The following ZNF143 variants were observed in gnomAD, a reference collection of about 807,000 sequenced individuals.
ZNF143 encodes SPH-binding factor.
ZNF143 carries 49 observed loss-of-function variants against 74.1 expected under a neutral mutation model. That is an observed-to-expected ratio of 0.66 (90% CI 0.53 to 0.84). The LOEUF is 0.84. ZNF143 is among the 40% of genes least tolerant of loss of function. ZNF143 has a pLI of 0.00. For missense variants in ZNF143, 637 were observed against 793.4 expected (o/e 0.80, Z 2.37); for synonymous variants, 304 against 282.8 (o/e 1.07, Z -0.75).
chr11:9,492,532 C>G (rs1377392196), intron 7 of ZNF143, among the ~76,000 whole-genome samples: 1 of 152,126 alleles, frequency 6.6e-6, no homozygotes, highest in Non-Finnish European at 1.5e-5. Flanking sequence ...CAGGTCTGAG[C>G]CACCACGCCT....
chr11:9,518,014 T>C (rs1848782236), intron 14 of ZNF143, among the ~76,000 whole-genome samples: 1 of 152,180 alleles, frequency 6.6e-6, no homozygotes, highest in Non-Finnish European at 1.5e-5. Context: ...AAAAACGGAC[T>C]GTATTGAGAA....
At chr11:9,470,801 G>A (rs1163807566) in intron 1 of ZNF143, among the ~76,000 whole-genome samples, 1 of 152,148 alleles carries the variant, frequency 6.6e-6, no homozygotes, top group Non-Finnish European at 1.5e-5. Flanking sequence ...AAAGAAGAGT[G>A]TAGGAGGCTA....
intron 5 of ZNF143, among the ~76,000 whole-genome samples, chr11:9,475,056 T>A (rs2133884919): frequency 6.6e-6 from 1 of 152,116 alleles, no homozygotes; most frequent in East Asian, 1.9e-4. Context: ...CCAGCTAGTT[T>A]TTTCATTTTT....
intron 8 of ZNF143, among the ~76,000 whole-genome samples, chr11:9,495,552 A>G (rs992225305): frequency 5.3e-5 from 8 of 152,362 alleles, no homozygotes; most frequent in Middle Eastern, 3.4e-3. Flanking sequence ...AGAACTTTCA[A>G]TGTGTCACGA....
chr11:9,483,041 T>A (rs1847311416), intron 7 of ZNF143, among the ~76,000 whole-genome samples: 1 of 150,988 alleles, frequency 6.6e-6, no homozygotes, highest in Non-Finnish European at 1.5e-5. Context: ...TTGCCCAGGG[T>A]GGAGTGCAGT....
At chr11:9,507,485 G>A (rs2134145463) in intron 11 of ZNF143, among the ~76,000 whole-genome samples, 1 of 152,178 alleles carries the variant, frequency 6.6e-6, no homozygotes, top group South Asian at 2.1e-4. Flanking sequence ...CAGTAAACAA[G>A]CCTACTACAA....
At chr11:9,517,889 TAATC>T (rs1423089655) in intron 14 of ZNF143, among the ~76,000 whole-genome samples, 2 of 152,170 alleles carry the variant, frequency 1.3e-5, no homozygotes, top group Non-Finnish European at 2.9e-5. Context: ...AAATTGGACT[TAATC>T]AAAATTAATT....
chr11:9,461,774 A>G (rs1192611442), intron 1 of ZNF143: 1 of 152,250 alleles, frequency 6.6e-6, no homozygotes, highest in African/African-American at 2.4e-5. Context: ...TTATTGTGGA[A>G]CGCGAACTAG....
Position 9,478,977 on chromosome 11 carries a change from A to G in ZNF143, c.570+391A>G, listed in dbSNP as rs114292655. On this transcript the variant is annotated intron_variant, in intron 6 of 15. Transcript: ENST00000396602. ...AAGATATACGAGGATGAAGGGCTAT[A>G]AAAGAAATAATAAAGTGTAAATGGA... Among the ~76,000 whole-genome samples, 217 of 152,338 alleles carry G rather than the reference A, an allele frequency of 1.4e-3. 2 individuals are homozygous for G. The highest frequency in any genetic ancestry group is 5.1e-3 in the African/African-American group (213 of 41,584).
In ZNF143 at chr11:9,500,918, T is replaced by C. The variant is rs79330122; in HGVS notation, c.968-173T>C. Among the ~76,000 whole-genome samples, 2,353 of 152,218 alleles carry C rather than the reference T, an allele frequency of 0.015. 80 individuals carry two copies. The highest frequency in any genetic ancestry group is 0.053 in the African/African-American group (2,212 of 41,528). On this transcript the variant is annotated intron_variant, in intron 10 of 15. Coordinates refer to ENST00000396602, the MANE Select transcript of ZNF143 (RefSeq NM_003442.6). ...TCCCAGTTTCTTATGTAGATTTAAG[T>C]TTGGAGTGGAAGATGCTGTTTCCCC...
At chr11:9,507,054 T>C (rs531505392) in intron 11 of ZNF143, among the ~76,000 whole-genome samples, 1 of 152,262 alleles carries the variant, frequency 6.6e-6, no homozygotes, top group South Asian at 2.1e-4. Context: ...AATAAGAACA[T>C]TAACCTGCCT....
chr11:9,478,454 C>T lies in ZNF143; in HGVS notation c.438C>T (p.His146=), dbSNP rs1333623016. The T allele has an allele frequency of 1.9e-6, 3 of 1,614,154 alleles. No individual in the cohort carries two copies. The highest frequency in any genetic ancestry group is 2.7e-5 in the African/African-American group (2 of 75,018). ...QLEDGTTAYI[H]HAVQVPQSDT... is the part of the protein sequence containing the mutation. The stretch of plus-strand genomic sequence containing the variant: ...AAGATGGTACCACAGCTTATATCCA[C>T]CATGCAGTGCAAGTCCCGCAGTCTG... Residue 146 remains histidine, a synonymous_variant, in exon 6 of 16, where the codon CAC becomes CAT. Coordinates refer to ENST00000396602, the MANE Select transcript of ZNF143 (RefSeq NM_003442.6).
In ZNF143 at chr11:9,471,338, T is replaced by C. The variant is rs993940212; in HGVS notation, c.30T>C (p.Ser10=). Residue 10 remains serine, a synonymous_variant, in exon 2 of 16, where the codon TCT becomes TCC. Coordinates refer to ENST00000396602, the MANE Select transcript of ZNF143 (RefSeq NM_003442.6). MLLAQINRD[S]QGMTEFPGGG... ...TGTTAGCCCAAATAAATCGAGATTC[T>C]CAGGGAATGACAGAGTTTCCTGGAG... is the stretch of plus-strand genomic sequence containing the variant. 2.5e-6 allele frequency: 4 copies of C among 1,612,442 alleles called. No individual in the cohort carries two copies. Among genetic ancestry groups the C allele is most frequent in the Non-Finnish European group, 3.4e-6 (4 of 1,179,446 alleles).
In ZNF143 at chr11:9,527,427, A is replaced by G. The variant is rs1475512913; in HGVS notation, c.1834-103A>G. The G allele has an allele frequency of 9.5e-6, 10 of 1,055,906 alleles. No homozygotes were observed. In the East Asian group the frequency reaches 2.4e-4, roughly 25 times the overall value. 65.4% of individuals were successfully genotyped at this position (1,055,906 alleles called of 1,614,324 possible). A position where few individuals can be genotyped will look rare whatever the true frequency, so the allele number is the denominator to read the frequency against. ...TATTTTAACAATCCCAAGTGTCAGA[A>G]TTACAGAGAGAAGTTTCACTTCTGG... On this transcript the variant is annotated intron_variant, in intron 15 of 15. Transcript: ENST00000396602.
At chr11:9,512,723 T>C in intron 13 of ZNF143, 127 bp downstream of exon 13, 1 of 1,090,022 alleles carries the variant, frequency 9.2e-7, no homozygotes, top group Non-Finnish European at 1.3e-6. Context: ...CCTGAGGTTT[T>C]TCAGTAGTCT....
intron 4 of ZNF143, 117 bp from the exon 5 acceptor site, chr11:9,474,433 C>T (rs1856763458): frequency 2.0e-6 from 2 of 1,005,174 alleles, no homozygotes; most frequent in South Asian, 3.0e-5. Context: ...TTCAAAGACT[C>T]ATGAAGCAAG....
intron 14 of ZNF143, among the ~76,000 whole-genome samples, chr11:9,523,588 G>T (rs1033815163): frequency 4.6e-5 from 7 of 151,866 alleles, no homozygotes; most frequent in African/African-American, 1.5e-4. Context: ...CAAAAAATTA[G>T]CTGGGCGTGA....
chr11:9,475,182 T>C (rs1846166799), intron 5 of ZNF143, among the ~76,000 whole-genome samples: 2 of 152,164 alleles, frequency 1.3e-5, no homozygotes, highest in Non-Finnish European at 2.9e-5. Flanking sequence ...CTTAATTTCA[T>C]ATTTTAAAAG....
At chr11:9,509,014 C>A (rs1025108829) in intron 12 of ZNF143, among the ~76,000 whole-genome samples, 168 bp downstream of exon 12, 5 of 152,072 alleles carry the variant, frequency 3.3e-5, no homozygotes, top group Non-Finnish European at 7.3e-5. Context: ...ATGTGGTACT[C>A]TGGGATGTAT....
Sources: allele counts gnomAD v4.1 joint callset (sites outside exome capture counted in the v4.1 genomes callset), GRCh38; gene constraint gnomAD v4.1.1; transcripts MANE v1.5; gene names NCBI Gene and HGNC (gene_info 2026-07-23, HGNC 2026-07-21).